Variants in ABCA13 observed in about 807,000 individuals in gnomAD.
ABCA13 encodes the protein ATP-binding cassette sub-family A member 13.
In ABCA13, 476 loss-of-function variants were observed where a neutral mutation model predicts 478.7. The ratio of observed to expected loss-of-function variants is 0.99; its 90% CI spans 0.92 to 1.07. ABCA13 has a LOEUF of 1.07. Among genes scored for constraint, ABCA13 ranks in the 50% least tolerant of loss-of-function variants. The probability of loss-of-function intolerance (pLI) is 0.00; values close to 1 mark genes in which losing one functional copy is unlikely to be tolerated. For missense variants in ABCA13, 6,060 were observed against 5,910.6 expected, an observed-to-expected ratio of 1.03 and a Z score of -0.83; for synonymous variants, 2,252 against 2,158.9, an observed-to-expected ratio of 1.04 and a Z score of -1.20.
At chr7:48,391,095 G>A (rs1026232500) in intron 37 of ABCA13, among the ~76,000 whole-genome samples, 1 of 152,170 alleles carries the variant, frequency 6.6e-6, no homozygotes, top group Non-Finnish European at 1.5e-5. Flanking sequence ...GGTAAAGTCG[G>A]TCATGTGAGC....
chr7:48,239,550 T>C (rs1262394668), intron 9 of ABCA13, 145 bp downstream of exon 9: 7 of 954,870 alleles, frequency 7.3e-6, no homozygotes, highest in African/African-American at 6.6e-5. Context: ...ATCCTGGCCA[T>C]TGAGTGCACC....
chr7:48,578,121 A>C (rs1174098850), intron 55 of ABCA13, among the ~76,000 whole-genome samples: 1 of 152,142 alleles, frequency 6.6e-6, no homozygotes, highest in Non-Finnish European at 1.5e-5. Flanking sequence ...TGATATACTA[A>C]ATCATGAGAA....
At chr7:48,368,501 T>C (rs1230502047) in intron 32 of ABCA13, among the ~76,000 whole-genome samples, 1 of 151,828 alleles carries the variant, frequency 6.6e-6, no homozygotes, top group African/African-American at 2.4e-5. Context: ...AAAGAATCAT[T>C]CTTATACCTT....
intron 3 of ABCA13, among the ~76,000 whole-genome samples, chr7:48,201,036 G>C (rs1215541490): frequency 6.6e-6 from 1 of 152,182 alleles, no homozygotes; most frequent in Non-Finnish European, 1.5e-5. Flanking sequence ...AGCATCGGAG[G>C]CTCGCTCACC....
intron 55 of ABCA13, among the ~76,000 whole-genome samples, chr7:48,573,876 T>C (rs13228431): frequency 0.061 from 9,211 of 152,172 alleles, 344 homozygotes; most frequent in African/African-American, 0.11. Context: ...GGGGAAGGGA[T>C]CTGCTACAGC....
At chr7:48,442,878 T>G (rs79005966) in intron 42 of ABCA13, among the ~76,000 whole-genome samples, 44,979 of 151,836 alleles carry the variant, frequency 0.3, 6,679 homozygotes, top group East Asian at 0.37. Context: ...CTCTCTTTTA[T>G]TGGCCTTCTA....
intron 20 of ABCA13, among the ~76,000 whole-genome samples, chr7:48,293,740 T>A (rs1798918173): frequency 6.6e-6 from 1 of 150,488 alleles, no homozygotes; most frequent in African/African-American, 2.5e-5. Context: ...ATAGGTATTA[T>A]TCTAAAAGGT....
At chr7:48,568,056 TA>T (rs1787257095) in intron 55 of ABCA13, among the ~76,000 whole-genome samples, 1 of 152,170 alleles carries the variant, frequency 6.6e-6, no homozygotes, top group Non-Finnish European at 1.5e-5. Context: ...ATCAAACTTA[TA>T]ATTTTTTAAA....
rs573838222 is a variant in ABCA13 at position 48,278,665 on chromosome 7, G to A, written c.7471G>A (p.Val2491Ile). Reference sequence around the variant, plus strand: ...TTCAAGAGCAAGTGAAGAAAGTCACGTCCTGAAACCCCTCTTAGAAATGTC... The same window carrying A: ...TTCAAGAGCAAGTGAAGAAAGTCACATCCTGAAACCCCTCTTAGAAATGTC... Reference protein sequence around the residue: ...AISRASEESHVLKPLLEMSGT... With the variant: ...AISRASEESHILKPLLEMSGT... The change falls in exon 18 of 62, where the codon GTC (valine) becomes ATC (isoleucine). Residue 2491 changes from valine (V) to isoleucine (I), a missense_variant. Val to Ile is a conservative substitution (Grantham distance 29, BLOSUM62 3). Around this residue, in one of 3 missense-constraint regions of ABCA13, gnomAD observed 4,423 missense variants for 4,309.1 expected, o/e 1.03. Transcript: ENST00000435803. The A allele has an allele frequency of 5.8e-5, 93 of 1,613,486 alleles. No homozygotes were observed. The highest frequency in any genetic ancestry group is 3.3e-4 in the Middle Eastern group (2 of 6,084).
At chr7:48,181,693 C>T (rs1414770553) in intron 1 of ABCA13, among the ~76,000 whole-genome samples, 1 of 152,040 alleles carries the variant, frequency 6.6e-6, no homozygotes, top group African/African-American at 2.4e-5. Flanking sequence ...TCCTATGCCA[C>T]TGCATAGATT....
At chr7:48,302,907 G>A (rs1398123157) in intron 23 of ABCA13, among the ~76,000 whole-genome samples, 4 of 152,090 alleles carry the variant, frequency 2.6e-5, no homozygotes, top group Admixed American at 1.3e-4. Context: ...GTGAGGAATC[G>A]CCACACTGGT....
chr7:48,361,557 C>A (rs542902957), intron 31 of ABCA13, among the ~76,000 whole-genome samples: 1 of 151,636 alleles, frequency 6.6e-6, no homozygotes, highest in East Asian at 1.9e-4. Flanking sequence ...CCTTACTTTT[C>A]TGTATCTTCA....
rs1219523730 is a variant in ABCA13 at position 48,428,348 on chromosome 7, C to A, written c.12565+477C>A. On this transcript the variant is annotated intron_variant, in intron 42 of 61. Coordinates refer to ENST00000435803, the MANE Select transcript of ABCA13 (RefSeq NM_152701.5). The stretch of plus-strand genomic sequence containing the variant: ...CATGGCTTCAGCTTTTGTATGCAGC[C>A]TCCTTTATAGGCTTTAATGATTGAA... 4.6e-5 allele frequency among the ~76,000 whole-genome samples: 7 copies of A among 152,252 alleles called. No individual in the cohort carries two copies. In the East Asian group the frequency reaches 1.4e-3, roughly 29 times the overall value.
Position 48,520,216 on chromosome 7 carries a change from T to G in ABCA13, c.13973T>G (p.Phe4658Cys), listed in dbSNP as rs1307795190. 6.2e-7 allele frequency: 1 copy of G among 1,613,728 alleles called. No individual in the cohort carries two copies. The highest frequency in any genetic ancestry group is 1.1e-5 in the South Asian group (1 of 91,084). ...PFEMNFLGWIFVQLASQGTVL... is the reference protein window; with the variant it reads ...PFEMNFLGWICVQLASQGTVL... ...GAGATGAACTTTCTGGGCTGGATCTTCGTGCAACTGGCCTCGCAGGGCACA... is the reference window on the plus strand; with the variant it reads ...GAGATGAACTTTCTGGGCTGGATCTGCGTGCAACTGGCCTCGCAGGGCACA... The change falls in exon 53 of 62, where the codon TTC (phenylalanine) becomes TGC (cysteine). Residue 4658 changes from phenylalanine to cysteine, a missense_variant. Transcript: ENST00000435803.
intron 59 of ABCA13, among the ~76,000 whole-genome samples, chr7:48,628,565 A>C (rs1346018682): frequency 6.6e-6 from 1 of 152,112 alleles, no homozygotes; most frequent in Non-Finnish European, 1.5e-5. Context: ...CATCCTTACT[A>C]TTTGGGGCTT....
At chr7:48,530,289 G>A (rs994205599) in intron 55 of ABCA13, among the ~76,000 whole-genome samples, 1 of 151,730 alleles carries the variant, frequency 6.6e-6, no homozygotes, top group African/African-American at 2.4e-5. Flanking sequence ...TTTTGTGGCT[G>A]AGAGGTGTTT....
chr7:48,553,107 C>T (rs1785480568), intron 55 of ABCA13, among the ~76,000 whole-genome samples: 1 of 152,034 alleles, frequency 6.6e-6, no homozygotes, highest in African/African-American at 2.4e-5. Flanking sequence ...TCACTTAACA[C>T]AATGACCACC....
intron 55 of ABCA13, among the ~76,000 whole-genome samples, chr7:48,536,414 G>A (rs1464583697): frequency 7.9e-5 from 12 of 152,142 alleles, no homozygotes; most frequent in East Asian, 3.9e-4. Flanking sequence ...ATGGGAGGCC[G>A]AGGTGGGAGG....
intron 42 of ABCA13, among the ~76,000 whole-genome samples, chr7:48,441,646 T>C (rs1286976529): frequency 2.6e-5 from 4 of 152,236 alleles, no homozygotes; most frequent in Non-Finnish European, 5.9e-5. Context: ...CACTTCTTCA[T>C]GGAGAAAGAA....
Sources: gnomAD v4.1 joint callset for allele counts (sites outside exome capture counted in the v4.1 genomes callset) on GRCh38, gnomAD v4.1.1 for gene constraint, gnomAD v4.1.1 regional missense constraint, MANE v1.5 for transcripts, NCBI Gene and HGNC (gene_info 2026-07-23, HGNC 2026-07-21) for gene names.